The following GPC6 variants were observed in gnomAD, a reference collection of about 807,000 sequenced individuals.
GPC6 encodes glypican-6.
In GPC6, 14 loss-of-function variants were observed where a neutral mutation model predicts 55.2. The observed-to-expected ratio is 0.25, with a 90% CI of 0.17 to 0.40. The LOEUF (loss-of-function observed/expected upper bound fraction) is 0.40. Among genes scored for constraint, GPC6 ranks in the 10% least tolerant of loss-of-function variants. The pLI is 1.00. For missense variants in GPC6, 641 were observed against 708.5 expected, an observed-to-expected ratio of 0.90 and a Z score of 1.08; for synonymous variants, 278 against 259.6, an observed-to-expected ratio of 1.07 and a Z score of -0.68.
intron 2 of GPC6, among the ~76,000 whole-genome samples, chr13:93,726,718 A>T (rs1028294214): frequency 6.6e-6 from 1 of 151,994 alleles, no homozygotes; most frequent in Non-Finnish European, 1.5e-5. Context: ...TAGCTAAGTA[A>T]TTTCTTTTTT....
At chr13:93,881,209 C>A (rs1164176715) in intron 3 of GPC6, among the ~76,000 whole-genome samples, 1 of 152,036 alleles carries the variant, frequency 6.6e-6, no homozygotes, top group Admixed American at 6.6e-5. Flanking sequence ...CTCTTTTTCC[C>A]TTTGGGTTTT....
chr13:93,382,647 A>G (rs148981272), intron 1 of GPC6, among the ~76,000 whole-genome samples: 6 of 152,310 alleles, frequency 3.9e-5, no homozygotes, highest in African/African-American at 1.4e-4. Context: ...TAATCTTATA[A>G]AGACATAAAA....
At chr13:93,240,881 T>C (rs1444449647) in intron 1 of GPC6, among the ~76,000 whole-genome samples, 1 of 152,144 alleles carries the variant, frequency 6.6e-6, no homozygotes, top group Non-Finnish European at 1.5e-5. Flanking sequence ...GAGACCTTAT[T>C]TCTCCCTCAT....
chr13:93,991,360 A>G (rs1881297606), intron 3 of GPC6, among the ~76,000 whole-genome samples: 2 of 152,178 alleles, frequency 1.3e-5, no homozygotes, highest in South Asian at 4.1e-4. Flanking sequence ...GTATGAGGTC[A>G]CTGTACTTTA....
At chr13:93,254,214 T>C (rs1876876605) in intron 1 of GPC6, among the ~76,000 whole-genome samples, 1 of 152,100 alleles carries the variant, frequency 6.6e-6, no homozygotes, top group Non-Finnish European at 1.5e-5. Context: ...TAGTCCCAGC[T>C]ACCGAAGAGG....
chr13:93,401,381 A>G (rs1876070537), intron 1 of GPC6, among the ~76,000 whole-genome samples: 1 of 152,118 alleles, frequency 6.6e-6, no homozygotes, highest in Non-Finnish European at 1.5e-5. Flanking sequence ...TGCTGTAAGC[A>G]TGTTCTGAAT....
At chr13:94,316,397 C>T (rs1290868269) in intron 6 of GPC6, among the ~76,000 whole-genome samples, 4 of 152,090 alleles carry the variant, frequency 2.6e-5, no homozygotes, top group Admixed American at 2.0e-4. Context: ...AAGTTGTTGC[C>T]AAGAAATAGG....
chr13:94,337,983 G>C (rs1023603451), intron 6 of GPC6, among the ~76,000 whole-genome samples: 2 of 152,174 alleles, frequency 1.3e-5, no homozygotes, highest in Non-Finnish European at 2.9e-5. Flanking sequence ...TTTGGACAAA[G>C]GCAATTCGCA....
At chr13:93,935,636 G>A (rs547927436) in intron 3 of GPC6, among the ~76,000 whole-genome samples, 4 of 152,068 alleles carry the variant, frequency 2.6e-5, no homozygotes, top group Admixed American at 2.0e-4. Flanking sequence ...AATTACATAC[G>A]CAATTCACAT....
intron 4 of GPC6, among the ~76,000 whole-genome samples, chr13:94,229,142 T>C (rs1890644285): frequency 6.6e-6 from 1 of 152,242 alleles, no homozygotes; most frequent in African/African-American, 2.4e-5. Flanking sequence ...CATGAAATGA[T>C]ATTCATCTCA....
At chr13:93,247,071 G>T (rs969651165) in intron 1 of GPC6, among the ~76,000 whole-genome samples, 1 of 150,860 alleles carries the variant, frequency 6.6e-6, no homozygotes, top group African/African-American at 2.4e-5. Context: ...TATTATGAAA[G>T]AAACAACTAC....
rs181912398 is a variant in GPC6, at chr13:94,328,032, G to A, written c.1152+21909G>A. Among the ~76,000 whole-genome samples the A allele has an allele frequency of 6.2e-3, 944 of 152,244 alleles. 4 individuals are homozygous for A. Among genetic ancestry groups the A allele is most frequent in the Non-Finnish European group, 0.01 (683 of 68,024 alleles). ...TGATCTTTCCTGCTTCCTGGAGATC[G>A]CCTACAAAGCCAACAGTAGAGAAGG... is the stretch of plus-strand genomic sequence containing the variant. On this transcript the variant is annotated intron_variant, in intron 6 of 8. Transcript: ENST00000377047.
intron 1 of GPC6, among the ~76,000 whole-genome samples, chr13:93,244,239 C>G (rs906737686): frequency 6.6e-6 from 1 of 152,206 alleles, no homozygotes; most frequent in African/African-American, 2.4e-5. Flanking sequence ...CAAGGCAGAT[C>G]TCACACCCAC....
the GPC6 span, among the ~76,000 whole-genome samples, chr13:93,220,991 T>C: frequency 1.6e-3 from 240 of 152,264 alleles, no homozygotes; most frequent in African/African-American, 5.5e-3. Flanking sequence ...CTGGTGATCC[T>C]CCCACCTCAG....
At chr13:94,327,850 C>T (rs1422359220) in intron 6 of GPC6, among the ~76,000 whole-genome samples, 1 of 152,110 alleles carries the variant, frequency 6.6e-6, no homozygotes, top group Admixed American at 6.5e-5. Flanking sequence ...AGCTTCAGTG[C>T]CTCCTTTTCT....
chr13:93,476,266 ATT>A (rs1566376708), intron 1 of GPC6, among the ~76,000 whole-genome samples: 1 of 151,712 alleles, frequency 6.6e-6, no homozygotes, highest in African/African-American at 2.4e-5. Context: ...TGCTATTCCT[ATT>A]TGTGTGTGTG....
intron 2 of GPC6, among the ~76,000 whole-genome samples, chr13:93,736,713 A>G (rs1179466714): frequency 2.0e-5 from 3 of 152,226 alleles, no homozygotes; most frequent in East Asian, 1.9e-4. Flanking sequence ...GTTGAAGAAA[A>G]ATAGTATCAT....
chr13:93,441,354 C>G (rs1877791780), intron 1 of GPC6, among the ~76,000 whole-genome samples: 1 of 152,044 alleles, frequency 6.6e-6, no homozygotes, highest in African/African-American at 2.4e-5. Flanking sequence ...TCTCCAGTAC[C>G]CATTGTTTCC....
At chr13:94,332,842 C>T (rs767476731) in intron 6 of GPC6, among the ~76,000 whole-genome samples, 1 of 152,202 alleles carries the variant, frequency 6.6e-6, no homozygotes, top group Non-Finnish European at 1.5e-5. Flanking sequence ...AGAGAAGTAA[C>T]AGATGTGAGG....
Sources: allele counts gnomAD v4.1 joint callset (sites outside exome capture counted in the v4.1 genomes callset), GRCh38; gene constraint gnomAD v4.1.1; transcripts MANE v1.5; gene names NCBI Gene and HGNC (gene_info 2026-07-23, HGNC 2026-07-21).